The following NYAP2 variants were observed in gnomAD, a reference collection of about 807,000 sequenced individuals.
NYAP2 encodes neuronal tyrosine-phosphorylated phosphoinositide-3-kinase adapter 2.
Under a neutral mutation model 50.4 loss-of-function variants are expected in NYAP2, and 23 were observed. That is an observed-to-expected ratio of 0.46 (90% CI 0.33 to 0.65). NYAP2 has a LOEUF of 0.65. NYAP2 is among the 30% of genes least tolerant of loss of function. The pLI is 0.02. For synonymous variants in NYAP2, 394 were observed against 365.2 expected, an observed-to-expected ratio of 1.08 and a Z score of -0.90; for missense variants, 885 against 861.0, an observed-to-expected ratio of 1.03 and a Z score of -0.35.
At chr2:225,669,633 C>T in the NYAP2 span, among the ~76,000 whole-genome samples, 22 of 151,996 alleles carry the variant, frequency 1.4e-4, no homozygotes, top group Admixed American at 9.8e-4. Context: ...CTGGGAAGAG[C>T]TCAGTTTGTT....
At chr2:225,661,724 C>T in the NYAP2 span, among the ~76,000 whole-genome samples, 1,955 of 96,884 alleles carry the variant, frequency 0.02, 46 homozygotes, top group African/African-American at 0.051. Context: ...AATTTGCTCT[C>T]TCTTTTTTTT....
At chr2:225,538,256 G>T (rs913899006) in intron 4 of NYAP2, among the ~76,000 whole-genome samples, 3 of 152,154 alleles carry the variant, frequency 2.0e-5, no homozygotes, top group Non-Finnish European at 4.4e-5. Flanking sequence ...TCCATGTGGG[G>T]GCTCCAACCC....
chr2:225,488,396 C>T (rs1048563499), intron 3 of NYAP2, among the ~76,000 whole-genome samples: 4 of 152,240 alleles, frequency 2.6e-5, no homozygotes, highest in Middle Eastern at 3.4e-3. Flanking sequence ...CTTTTTAAGA[C>T]AGAGTCTTAC....
intron 3 of NYAP2, among the ~76,000 whole-genome samples, chr2:225,460,992 C>CAAAAAAAA (rs869283101): frequency 2.3e-5 from 1 of 43,066 alleles, no homozygotes; most frequent in Non-Finnish European, 5.7e-5. Context: ...GACTCTGTCT[C>CAAAAAAAA]AAAAAAAAAA....
chr2:225,425,659 T>A (rs1051424061), intron 3 of NYAP2, among the ~76,000 whole-genome samples: 3 of 152,196 alleles, frequency 2.0e-5, no homozygotes, highest in African/African-American at 7.2e-5. Context: ...AATACACTTC[T>A]TTTTCCCTGT....
At position 225,586,424 on chromosome 2, in the gene NYAP2, C is replaced by A. The variant is rs368185846; in HGVS notation, c.1618+3389C>A. Among the ~76,000 whole-genome samples the A allele has an allele frequency of 6.6e-5, 10 of 152,040 alleles. No homozygotes were observed. The East Asian group carries it at 1.9e-3, about 29-fold the overall frequency. Reference sequence around the variant, plus strand: ...GTTTATCTATGATTAAATTAGGACACCTGATAGTCTGTAGCTCTAGTACTT... The same window carrying A: ...GTTTATCTATGATTAAATTAGGACAACTGATAGTCTGTAGCTCTAGTACTT... On this transcript the variant is annotated intron_variant, in intron 5 of 6. Transcript: ENST00000636099.
intron 6 of NYAP2, among the ~76,000 whole-genome samples, chr2:225,650,178 G>C (rs1358288540): frequency 6.6e-6 from 1 of 152,166 alleles, no homozygotes; most frequent in Non-Finnish European, 1.5e-5. Context: ...GTTGGGAGTG[G>C]AGGAGTGGAA....
At chr2:225,649,663 C>T (rs7562523) in intron 6 of NYAP2, among the ~76,000 whole-genome samples, 79,780 of 151,996 alleles carry the variant, frequency 0.52, 21,422 homozygotes, top group Admixed American at 0.66. Context: ...AGCCATTGTG[C>T]CTGGCCCATC....
the NYAP2 span, among the ~76,000 whole-genome samples, chr2:225,683,347 T>C: frequency 6.6e-6 from 1 of 152,124 alleles, no homozygotes; most frequent in Non-Finnish European, 1.5e-5. Flanking sequence ...ATAACTTCGA[T>C]CACCTTCAGG....
intron 4 of NYAP2, among the ~76,000 whole-genome samples, chr2:225,569,798 G>A (rs79560420): frequency 0.025 from 3,827 of 152,212 alleles, 153 homozygotes; most frequent in African/African-American, 0.087. Flanking sequence ...CTCCCTATGT[G>A]TTCTCATGTC....
chr2:225,456,228 C>T (rs1336886789), intron 3 of NYAP2, among the ~76,000 whole-genome samples: 1 of 152,180 alleles, frequency 6.6e-6, no homozygotes, highest in Non-Finnish European at 1.5e-5. Context: ...ATTTGAGTCA[C>T]CCTTGCCCAG....
At chr2:225,566,950 T>C (rs1201616001) in intron 4 of NYAP2, among the ~76,000 whole-genome samples, 1 of 152,064 alleles carries the variant, frequency 6.6e-6, no homozygotes, top group African/African-American at 2.4e-5. Context: ...TGTTTGCATA[T>C]ACAGTCATGC....
At chr2:225,535,786 A>G (rs1408781087) in intron 4 of NYAP2, among the ~76,000 whole-genome samples, 1 of 152,192 alleles carries the variant, frequency 6.6e-6, no homozygotes, top group Non-Finnish European at 1.5e-5. Flanking sequence ...GAACAGTGGA[A>G]CAGTTGGTAA....
intron 3 of NYAP2, among the ~76,000 whole-genome samples, chr2:225,474,541 G>T (rs1246545614): frequency 6.6e-6 from 1 of 152,214 alleles, no homozygotes; most frequent in East Asian, 1.9e-4. Context: ...TTGTAAGTTG[G>T]ATTCCTAGGT....
intron 6 of NYAP2, among the ~76,000 whole-genome samples, chr2:225,629,437 C>T (rs1054962186): frequency 6.6e-6 from 1 of 152,176 alleles, no homozygotes; most frequent in Non-Finnish European, 1.5e-5. Flanking sequence ...CTGGGCATTC[C>T]TTAACCCAGT....
chr2:225,530,572 G>A (rs1047902173), intron 4 of NYAP2, among the ~76,000 whole-genome samples: 2 of 152,006 alleles, frequency 1.3e-5, no homozygotes, highest in Non-Finnish European at 2.9e-5. Context: ...TTGTCTCCTT[G>A]AGGGTGTCTG....
Position 225,573,295 on chromosome 2 carries a change from A to T in NYAP2, c.524-8646A>T, listed in dbSNP as rs147903513. ...AGACAAAATTCTGTTCTTGTCACCC[A>T]GGCTGGAGTGCAATGCCGTGATCTA... On this transcript the variant is annotated intron_variant, in intron 4 of 6. Coordinates refer to ENST00000636099, the Ensembl canonical transcript of NYAP2. Among the ~76,000 whole-genome samples the T allele has an allele frequency of 2.6e-4, 37 of 145,006 alleles. 1 individual carries two copies. In the East Asian group the frequency reaches 7.5e-3, roughly 29 times the overall value.
chr2:225,614,064 T>G (rs750033766), intron 5 of NYAP2, among the ~76,000 whole-genome samples: 9 of 152,194 alleles, frequency 5.9e-5, no homozygotes, highest in Non-Finnish European at 1.2e-4. Context: ...AATCCACGAT[T>G]GTATCTGAGA....
the NYAP2 span, among the ~76,000 whole-genome samples, chr2:225,696,087 C>A: frequency 6.6e-6 from 1 of 151,852 alleles, no homozygotes; most frequent in African/African-American, 2.4e-5. Context: ...GTAATACATA[C>A]AACAATAACT....
Sources: allele counts gnomAD v4.1 joint callset (sites outside exome capture counted in the v4.1 genomes callset), GRCh38; gene constraint gnomAD v4.1.1; transcripts MANE v1.5; gene names NCBI Gene and HGNC (gene_info 2026-07-23, HGNC 2026-07-21).